Variants in LRRTM4 observed in about 807,000 individuals in gnomAD.
LRRTM4 encodes the protein leucine rich repeat transmembrane neuronal 4.
In LRRTM4, 25 loss-of-function variants were observed where a neutral mutation model predicts 47.6. The ratio of observed to expected loss-of-function variants is 0.53; its 90% confidence interval spans 0.38 to 0.73. The LOEUF is 0.73. LRRTM4 is among the 30% of genes least tolerant of loss of function. The pLI is 0.00. For synonymous variants in LRRTM4, 311 were observed against 269.5 expected, an observed-to-expected ratio of 1.15 and a Z score of -1.51; for missense variants, 638 against 713.4, an observed-to-expected ratio of 0.89 and a Z score of 1.20.
chr2:77,227,125 A>G (rs1674837199), intron 3 of LRRTM4, among the ~76,000 whole-genome samples: 1 of 151,938 alleles, frequency 6.6e-6, no homozygotes, highest in Admixed American at 6.6e-5. Flanking sequence ...ATGACTATGG[A>G]GCAATATCTC....
intron 3 of LRRTM4, among the ~76,000 whole-genome samples, chr2:77,312,714 A>G (rs1677491505): frequency 1.3e-5 from 2 of 152,180 alleles, no homozygotes; most frequent in Admixed American, 6.5e-5. Context: ...TTTTCTAACT[A>G]AATGGAAACT....
At chr2:77,081,908 C>T (rs550166112) in intron 3 of LRRTM4, among the ~76,000 whole-genome samples, 4 of 152,042 alleles carry the variant, frequency 2.6e-5, no homozygotes, top group African/African-American at 4.8e-5. Context: ...CACATTTCAT[C>T]GGCTTTTTGG....
At chr2:76,823,877 A>C (rs1671120862) in intron 3 of LRRTM4, among the ~76,000 whole-genome samples, 1 of 151,518 alleles carries the variant, frequency 6.6e-6, no homozygotes, top group Admixed American at 6.6e-5. Flanking sequence ...AAACATAAGA[A>C]CATGCATGTA....
chr2:77,366,345 T>G (rs938386334), intron 3 of LRRTM4, among the ~76,000 whole-genome samples: 1 of 151,944 alleles, frequency 6.6e-6, no homozygotes, highest in African/African-American at 2.4e-5. Context: ...TTTCTCTAGT[T>G]ATTCCTTCTG....
At chr2:77,357,551 T>G (rs1449682898) in intron 3 of LRRTM4, among the ~76,000 whole-genome samples, 1 of 152,216 alleles carries the variant, frequency 6.6e-6, no homozygotes. Flanking sequence ...TGCATATAAA[T>G]ATGAACTTCT....
intron 3 of LRRTM4, among the ~76,000 whole-genome samples, chr2:76,803,540 T>A (rs1348542637): frequency 2.0e-5 from 3 of 152,116 alleles, no homozygotes; most frequent in Non-Finnish European, 2.9e-5. Context: ...GATATAGAGG[T>A]TTCTCAAAAA....
intron 3 of LRRTM4, among the ~76,000 whole-genome samples, chr2:77,064,191 G>A (rs1168364547): frequency 6.6e-6 from 1 of 151,936 alleles, no homozygotes; most frequent in Non-Finnish European, 1.5e-5. Context: ...AAAAAGGATT[G>A]GGGAATTCTA....
intron 3 of LRRTM4, among the ~76,000 whole-genome samples, chr2:77,017,722 A>T (rs74629070): frequency 0.013 from 2,011 of 152,292 alleles, 52 homozygotes; most frequent in African/African-American, 0.046. Context: ...CTAAAAGAAA[A>T]ATAAATAGAA....
chr2:77,303,291 T>C (rs1677182068), intron 3 of LRRTM4, among the ~76,000 whole-genome samples: 1 of 151,924 alleles, frequency 6.6e-6, no homozygotes, highest in African/African-American at 2.4e-5. Context: ...AAAAAAATGG[T>C]GTCCTTTCTT....
Position 76,775,389 on chromosome 2 carries a change from G to A in LRRTM4, c.1552-26473C>T, listed in dbSNP as rs138701715. Among the ~76,000 whole-genome samples the A allele has an allele frequency of 9.7e-3, 1,470 of 152,266 alleles. 9 individuals carry two copies. Among genetic ancestry groups the A allele is most frequent in the Non-Finnish European group, 0.017 (1,159 of 68,028 alleles). On this transcript the variant is annotated intron_variant, in intron 3 of 3. Coordinates refer to ENST00000409884, the MANE Select transcript of LRRTM4 (RefSeq NM_001134745.3). The stretch of plus-strand genomic sequence containing the variant: ...GATTGAATCAGAAATGCATTTGAGG[G>A]CAAGTAGACCATGTAGATGCCTTTG...
At chr2:77,000,628 T>C (rs72823179) in intron 3 of LRRTM4, among the ~76,000 whole-genome samples, 2,178 of 152,286 alleles carry the variant, frequency 0.014, 54 homozygotes, top group East Asian at 0.081. Context: ...TTATTGTCCT[T>C]TCAGTTTGTT....
At chr2:76,900,711 A>G (rs1673595034) in intron 3 of LRRTM4, among the ~76,000 whole-genome samples, 1 of 152,222 alleles carries the variant, frequency 6.6e-6, no homozygotes, top group Admixed American at 6.5e-5. Flanking sequence ...CTTTCATAAA[A>G]ATCGAGATAA....
chr2:77,415,029 A>G (rs1437375478), intron 3 of LRRTM4, among the ~76,000 whole-genome samples: 4 of 152,196 alleles, frequency 2.6e-5, no homozygotes, highest in Non-Finnish European at 4.4e-5. Flanking sequence ...GAAAGATTAG[A>G]TGGTAGTGAT....
chr2:77,243,246 A>G lies in LRRTM4; in HGVS notation c.1551+275072T>C, dbSNP rs1398769688. On this transcript the variant is annotated intron_variant, in intron 3 of 3. Transcript: ENST00000409884. ...TCAACATGGAGAAACCCCCATCTCT[A>G]CTAAAAATACAAAATTAGCCGGGTG... Among the ~76,000 whole-genome samples the G allele has an allele frequency of 3.3e-5, 5 of 151,910 alleles. No homozygotes were observed. The East Asian group carries it at 9.7e-4, about 29-fold the overall frequency.
At chr2:76,802,368 C>A (rs1326930521) in intron 3 of LRRTM4, among the ~76,000 whole-genome samples, 2 of 151,918 alleles carry the variant, frequency 1.3e-5, no homozygotes, top group African/African-American at 4.8e-5. Context: ...AAAACTATTC[C>A]ATTTACAATA....
At chr2:76,753,833 T>C (rs1004446943) in intron 3 of LRRTM4, among the ~76,000 whole-genome samples, 4 of 152,164 alleles carry the variant, frequency 2.6e-5, no homozygotes, top group African/African-American at 7.2e-5. Flanking sequence ...TGAAAGGCTT[T>C]TGAAGTTCAG....
At chr2:77,436,064 A>C (rs989868566) in intron 3 of LRRTM4, among the ~76,000 whole-genome samples, 3 of 152,158 alleles carry the variant, frequency 2.0e-5, no homozygotes, top group Non-Finnish European at 4.4e-5. Flanking sequence ...ATATATATGA[A>C]TAGGAGAGAC....
At chr2:77,409,077 G>C (rs1221106321) in intron 3 of LRRTM4, among the ~76,000 whole-genome samples, 1 of 152,102 alleles carries the variant, frequency 6.6e-6, no homozygotes, top group Non-Finnish European at 1.5e-5. Context: ...CCTGCTAAAT[G>C]CGATTTTCAT....
intron 3 of LRRTM4, among the ~76,000 whole-genome samples, chr2:77,179,540 T>G (rs1192954539): frequency 6.6e-6 from 1 of 152,168 alleles, no homozygotes; most frequent in African/African-American, 2.4e-5. Flanking sequence ...TTCGTCAGTA[T>G]TTCAAGAAGA....
Sources: gnomAD v4.1 joint callset for allele counts (sites outside exome capture counted in the v4.1 genomes callset) on GRCh38, gnomAD v4.1.1 for gene constraint, MANE v1.5 for transcripts, NCBI Gene and HGNC (gene_info 2026-07-23, HGNC 2026-07-21) for gene names.